ST13: variants seen among roughly 807,000 people sequenced by gnomAD.
The protein encoded by ST13 is ST13 Hsp70 interacting protein.
ST13 carries 23 observed loss-of-function variants against 56.7 expected under a neutral mutation model. The ratio of observed to expected loss-of-function variants is 0.41; its 90% CI spans 0.29 to 0.57. The LOEUF is 0.57. Among genes scored for constraint, ST13 ranks in the 20% least tolerant of loss-of-function variants. The pLI is 0.36. For missense variants in ST13, 369 were observed against 459.9 expected (o/e 0.80, Z 1.81); for synonymous variants, 132 against 142.4 (o/e 0.93, Z 0.52).
chr22:40,839,332 T>C (rs1401022571), intron 5 of ST13, among the ~76,000 whole-genome samples: 1 of 152,214 alleles, frequency 6.6e-6, no homozygotes, highest in Non-Finnish European at 1.5e-5. Flanking sequence ...ATGAGCACTA[T>C]ACAATAGCAT....
rs142947169 is a variant in ST13, at chr22:40,853,544, T to C, written c.111-2664A>G. 2.1e-3 allele frequency among the ~76,000 whole-genome samples: 318 copies of C among 152,332 alleles called. 4 individuals are homozygous for C. Among genetic ancestry groups the C allele is most frequent in the Middle Eastern group, 0.02 (6 of 294 alleles). On this transcript the variant is annotated intron_variant, in intron 1 of 11. Coordinates refer to ENST00000216218, the MANE Select transcript of ST13 (RefSeq NM_003932.5). ...GACTTTGGCACTACAGGCTTTTTTATGTTACACAATCAAGTAGGACCAGTG... is the reference window on the plus strand; with the variant it reads ...GACTTTGGCACTACAGGCTTTTTTACGTTACACAATCAAGTAGGACCAGTG...
intron 4 of ST13, 110 bp downstream of exon 4, chr22:40,844,729 G>A: frequency 2.3e-6 from 2 of 878,758 alleles, no homozygotes; most frequent in Admixed American, 5.3e-5. Context: ...TGAAGTCAGA[G>A]AAAGATTTAC....
chr22:40,830,047 T>G (rs187138402), intron 9 of ST13, among the ~76,000 whole-genome samples: 1 of 152,352 alleles, frequency 6.6e-6, no homozygotes, highest in East Asian at 1.9e-4. Flanking sequence ...TTTCCGTTAT[T>G]CTCCCTACAT....
At chr22:40,855,613 C>T (rs2057887121) in intron 1 of ST13, among the ~76,000 whole-genome samples, 1 of 152,170 alleles carries the variant, frequency 6.6e-6, no homozygotes, top group South Asian at 2.1e-4. Context: ...TTCCCTGTCA[C>T]TTTTTCTCTT....
intron 4 of ST13, among the ~76,000 whole-genome samples, chr22:40,843,143 T>C (rs1247501770): frequency 6.6e-6 from 1 of 152,122 alleles, no homozygotes; most frequent in Non-Finnish European, 1.5e-5. Flanking sequence ...ACAAGACTTA[T>C]GGGGAACACG....
At chr22:40,852,894 G>A (rs2057869071) in intron 1 of ST13, among the ~76,000 whole-genome samples, 1 of 152,160 alleles carries the variant, frequency 6.6e-6, no homozygotes, top group African/African-American at 2.4e-5. Flanking sequence ...GTTTCAAAAT[G>A]CAGCGTCAGG....
chr22:40,826,143 G>T lies in ST13; in HGVS notation c.*395C>A, dbSNP rs918749858. Reference sequence around the variant, plus strand: ...TCCTCAAATGAGTTATGTTTGCCTCGCACTAATAACTTTTATTTCACTCAG... The same window carrying T: ...TCCTCAAATGAGTTATGTTTGCCTCTCACTAATAACTTTTATTTCACTCAG... On this transcript the variant is annotated 3_prime_UTR_variant, in exon 12 of 12. Coordinates refer to ENST00000216218, the MANE Select transcript of ST13 (RefSeq NM_003932.5). 1 of 154,522 alleles carries T rather than the reference G, an allele frequency of 6.5e-6. No homozygotes were observed. The highest frequency in any genetic ancestry group is 2.4e-5 in the African/African-American group (1 of 41,486). 9.6% of individuals were successfully genotyped at this position (154,522 alleles called of 1,614,324 possible).
chr22:40,835,503 T>A (rs1360092914), intron 7 of ST13, 57 bp downstream of exon 7: 16 of 1,464,320 alleles, frequency 1.1e-5, no homozygotes, highest in Non-Finnish European at 1.4e-5. Context: ...CAAAGCATCT[T>A]AAAACATCAG....
At chr22:40,831,003 T>A (rs2057751376) in intron 8 of ST13, 47 bp from the exon 9 acceptor site, 3 of 1,163,898 alleles carry the variant, frequency 2.6e-6, no homozygotes, top group Non-Finnish European at 3.8e-6. Context: ...AAAAGCTGAA[T>A]AACATCAACA....
At chr22:40,840,263 T>C (rs1281182833) in intron 5 of ST13, among the ~76,000 whole-genome samples, 1 of 152,164 alleles carries the variant, frequency 6.6e-6, no homozygotes, top group Admixed American at 6.5e-5. Context: ...GGACGAAGAT[T>C]GGTATGCCTA....
intron 10 of ST13, among the ~76,000 whole-genome samples, chr22:40,828,607 T>C (rs2057739887): frequency 1.3e-5 from 2 of 151,878 alleles, no homozygotes; most frequent in South Asian, 2.1e-4. Context: ...AGCGAGGCTC[T>C]GTCTCAATAA....
chr22:40,847,803 C>T (rs924322094), intron 3 of ST13, among the ~76,000 whole-genome samples: 1 of 152,146 alleles, frequency 6.6e-6, no homozygotes. Context: ...AATCTCAGCA[C>T]TTTGGGAGGC....
In ST13 at chr22:40,850,883, TGAA is replaced by T. The variant is rs761567293; in HGVS notation, c.111-6_111-4del. On this transcript the variant is annotated splice_polypyrimidine_tract_variant and splice_region_variant and intron_variant, in intron 1 of 11. Coordinates refer to ENST00000216218, the MANE Select transcript of ST13 (RefSeq NM_003932.5). The stretch of plus-strand genomic sequence containing the variant: ...CAGGTGGTACTTTACCACCCATGCT[TGAA>T]GAAGATGAGAAAAAAGATATTTGTT... The T allele has an allele frequency of 9.4e-6, 15 of 1,588,234 alleles. No individual in the cohort carries two copies. Among genetic ancestry groups the T allele is most frequent in the Middle Eastern group, 1.7e-4 (1 of 5,886 alleles).
intron 1 of ST13, among the ~76,000 whole-genome samples, chr22:40,851,337 G>T (rs1288439454): frequency 5.9e-5 from 9 of 152,162 alleles, no homozygotes; most frequent in Admixed American, 2.6e-4. Flanking sequence ...CAAAATGTTT[G>T]TGTCCTGTGA....
intron 5 of ST13, among the ~76,000 whole-genome samples, chr22:40,836,358 T>C (rs902985297): frequency 6.6e-6 from 1 of 151,904 alleles, no homozygotes; most frequent in Admixed American, 6.6e-5. Context: ...GGCTGAGGAG[T>C]GGCGCGAACC....
intron 2 of ST13, among the ~76,000 whole-genome samples, chr22:40,848,907 G>C (rs1246286585): frequency 1.3e-5 from 2 of 152,064 alleles, no homozygotes; most frequent in Admixed American, 6.5e-5. Context: ...AGAACCTGTG[G>C]AATTACAATA....
chr22:40,850,599 A>G (rs1370877714), intron 2 of ST13, among the ~76,000 whole-genome samples: 2 of 152,260 alleles, frequency 1.3e-5, no homozygotes. Flanking sequence ...ATTGTCATGT[A>G]TTCTAAAACA....
At chr22:40,831,268 T>C (rs923523502) in intron 8 of ST13, among the ~76,000 whole-genome samples, 2 of 152,228 alleles carry the variant, frequency 1.3e-5, no homozygotes, top group Non-Finnish European at 2.9e-5. Flanking sequence ...TTCTATCAGA[T>C]ACACAGTGTT....
Position 40,825,037 on chromosome 22 carries a change from A to G in ST13, c.*1501T>C, listed in dbSNP as rs1188222610. The G allele has an allele frequency of 6.6e-6, 1 of 152,210 alleles. No homozygotes were observed. Among genetic ancestry groups the G allele is most frequent in the Non-Finnish European group, 1.5e-5 (1 of 68,030 alleles). The allele number at this position is 152,210 out of a possible 1,614,324, so 9.4% of individuals were successfully genotyped here. On this transcript the variant is annotated 3_prime_UTR_variant, in exon 12 of 12. Coordinates refer to ENST00000216218, the MANE Select transcript of ST13 (RefSeq NM_003932.5). Reference sequence around the variant, plus strand: ...GGCCTTATCCCTTGAAAATGTTTTTAAACACTAGCACTTTAAATTGAAACA... The same window carrying G: ...GGCCTTATCCCTTGAAAATGTTTTTGAACACTAGCACTTTAAATTGAAACA...
Sources: allele counts gnomAD v4.1 joint callset (sites outside exome capture counted in the v4.1 genomes callset), GRCh38; gene constraint gnomAD v4.1.1; transcripts MANE v1.5; gene names NCBI Gene and HGNC (gene_info 2026-07-23, HGNC 2026-07-21).